The following SPOCK3 variants were observed in gnomAD, a reference collection of about 807,000 sequenced individuals.
SPOCK3 encodes the protein testican-3.
A neutral mutation model predicts 56.6 loss-of-function variants in SPOCK3; 30 were observed. The observed-to-expected ratio is 0.53, with a 90% CI of 0.40 to 0.72. SPOCK3 has a LOEUF of 0.72. Ranked by LOEUF, SPOCK3 falls within the 30% of genes least tolerant of loss-of-function variation. SPOCK3 has a pLI of 0.00. For missense variants in SPOCK3, 527 were observed against 530.0 expected (o/e 0.99, Z 0.06); for synonymous variants, 196 against 183.3 (o/e 1.07, Z -0.56).
At chr4:167,152,984 T>G (rs1764541278) in intron 2 of SPOCK3, among the ~76,000 whole-genome samples, 1 of 152,190 alleles carries the variant, frequency 6.6e-6, no homozygotes, top group Non-Finnish European at 1.5e-5. Context: ...TGTAAAGAAA[T>G]CCAATCATAT....
At chr4:166,969,244 A>C (rs1745099047) in intron 4 of SPOCK3, among the ~76,000 whole-genome samples, 1 of 152,216 alleles carries the variant, frequency 6.6e-6, no homozygotes, top group South Asian at 2.1e-4. Context: ...GGCTGGAATG[A>C]GTTACGACTT....
chr4:167,108,995 T>TATATATATATAAATATATACATATATAA (rs1561223757), intron 2 of SPOCK3, among the ~76,000 whole-genome samples: 1 of 13,438 alleles, frequency 7.4e-5, no homozygotes, highest in African/African-American at 4.9e-4. Flanking sequence ...TATATATTTA[T>TATATATATATAAATATATACATATATAA]ATATATATAA....
chr4:167,184,529 T>C (rs1333293640), intron 2 of SPOCK3, among the ~76,000 whole-genome samples: 1 of 152,158 alleles, frequency 6.6e-6, no homozygotes, highest in Non-Finnish European at 1.5e-5. Flanking sequence ...CCTTTAAGTC[T>C]CATCACTAAA....
chr4:166,779,440 G>A (rs373141787), intron 7 of SPOCK3, among the ~76,000 whole-genome samples: 9 of 151,922 alleles, frequency 5.9e-5, no homozygotes, highest in Admixed American at 5.3e-4. Flanking sequence ...ACTAACAGTA[G>A]AGAAATATAA....
intron 2 of SPOCK3, among the ~76,000 whole-genome samples, chr4:167,214,117 T>C (rs368024353): frequency 3.3e-5 from 5 of 151,860 alleles, no homozygotes; most frequent in South Asian, 2.1e-4. Flanking sequence ...ACCTTTATTA[T>C]ATTGGTTGAG....
chr4:167,189,832 G>A (rs1732324272), intron 2 of SPOCK3, among the ~76,000 whole-genome samples: 1 of 145,188 alleles, frequency 6.9e-6, no homozygotes, highest in Non-Finnish European at 1.5e-5. Context: ...CTGCTTTTAC[G>A]AGTTCAACTT....
At chr4:167,140,330 G>T (rs1763433692) in intron 2 of SPOCK3, among the ~76,000 whole-genome samples, 1 of 152,028 alleles carries the variant, frequency 6.6e-6, no homozygotes, top group South Asian at 2.1e-4. Flanking sequence ...AAGATTACTG[G>T]AAAATGTTAT....
At chr4:166,834,372 T>G (rs552622165) in intron 6 of SPOCK3, among the ~76,000 whole-genome samples, 1 of 152,328 alleles carries the variant, frequency 6.6e-6, no homozygotes, top group African/African-American at 2.4e-5. Context: ...GTGGCCTATC[T>G]TCATTGGAGA....
chr4:167,231,066 G>C (rs1471716438), intron 2 of SPOCK3, among the ~76,000 whole-genome samples: 1 of 151,836 alleles, frequency 6.6e-6, no homozygotes, highest in African/African-American at 2.4e-5. Context: ...CTACTCTCTC[G>C]TAACTCTATC....
chr4:166,943,024 T>G (rs1741293047), intron 4 of SPOCK3, among the ~76,000 whole-genome samples: 1 of 152,340 alleles, frequency 6.6e-6, no homozygotes, highest in Middle Eastern at 3.4e-3. Flanking sequence ...GCATTCCATG[T>G]AAATAGTTTT....
intron 2 of SPOCK3, among the ~76,000 whole-genome samples, chr4:167,155,087 T>A (rs1764707069): frequency 6.6e-6 from 1 of 152,124 alleles, no homozygotes; most frequent in Admixed American, 6.6e-5. Context: ...GTATTATAAA[T>A]GTATCATAAT....
chr4:167,041,453 T>C (rs567568035), intron 3 of SPOCK3, among the ~76,000 whole-genome samples: 4 of 152,320 alleles, frequency 2.6e-5, no homozygotes, highest in African/African-American at 9.6e-5. Flanking sequence ...ATCTAAAATC[T>C]GATCTCAACT....
At chr4:166,917,886 A>C (rs1005204800) in intron 4 of SPOCK3, among the ~76,000 whole-genome samples, 2 of 152,146 alleles carry the variant, frequency 1.3e-5, no homozygotes, top group Non-Finnish European at 2.9e-5. Context: ...TATTAATTTA[A>C]TTATTAACAG....
chr4:167,057,916 T>G (rs984464724), intron 3 of SPOCK3, among the ~76,000 whole-genome samples: 7 of 152,086 alleles, frequency 4.6e-5, no homozygotes, highest in Non-Finnish European at 8.8e-5. Context: ...GGAGTTAAAC[T>G]CAGCTCTGCA....
intron 6 of SPOCK3, among the ~76,000 whole-genome samples, chr4:166,840,215 C>T (rs976686480): frequency 3.3e-5 from 5 of 151,678 alleles, no homozygotes; most frequent in African/African-American, 1.2e-4. Context: ...GACTCATTTC[C>T]ACCTAGTGGA....
At chr4:166,813,283 G>C (rs1744024937) in intron 6 of SPOCK3, among the ~76,000 whole-genome samples, 1 of 152,072 alleles carries the variant, frequency 6.6e-6, no homozygotes, top group East Asian at 1.9e-4. Context: ...GGTTTAGAAA[G>C]GGTCTGCAGC....
intron 4 of SPOCK3, among the ~76,000 whole-genome samples, chr4:166,954,871 T>G (rs914183628): frequency 6.6e-6 from 1 of 152,200 alleles, no homozygotes; most frequent in South Asian, 2.1e-4. Flanking sequence ...TCTGTAGATA[T>G]GCCCTTCCTG....
intron 2 of SPOCK3, among the ~76,000 whole-genome samples, chr4:167,215,357 G>A (rs1014121772): frequency 3.9e-5 from 6 of 152,020 alleles, no homozygotes; most frequent in Admixed American, 2.0e-4. Context: ...AAGAAACACG[G>A]CTCTTTCCAC....
rs1748243429 is a variant in SPOCK3, at chr4:166,995,314, GATCT to G, written c.350+5031_350+5034del. On this transcript the variant is annotated intron_variant, in intron 4 of 10. Coordinates refer to ENST00000357545, the MANE Select transcript of SPOCK3 (RefSeq NM_001040159.2). ...AAAGGAAACTATGAAGTTTAGTTAT[GATCT>G]ATCTTTTAAGAAGAGGAATCAAACA... 2.6e-5 allele frequency among the ~76,000 whole-genome samples: 4 copies of G among 151,960 alleles called. No homozygotes were observed. The South Asian group carries it at 6.2e-4, about 24-fold the overall frequency.
Sources: gnomAD v4.1 joint callset for allele counts (sites outside exome capture counted in the v4.1 genomes callset) on GRCh38, gnomAD v4.1.1 for gene constraint, MANE v1.5 for transcripts, NCBI Gene and HGNC (gene_info 2026-07-23, HGNC 2026-07-21) for gene names.